Variants in GAREM1 observed in about 807,000 individuals in gnomAD.
The protein encoded by GAREM1 is GRB2-associated and regulator of MAPK protein 1.
A neutral mutation model predicts 71.3 loss-of-function variants in GAREM1; 26 were observed. The observed-to-expected ratio is 0.36, with a 90% CI of 0.27 to 0.51. GAREM1 has a LOEUF of 0.51. GAREM1 is among the 20% of genes least tolerant of loss of function. GAREM1 has a pLI of 0.95. For missense variants in GAREM1, 1,026 were observed against 1,103.1 expected (o/e 0.93, Z 0.99); for synonymous variants, 440 against 433.2 (o/e 1.02, Z -0.20).
rs1019963116 is a variant in GAREM1 at position 32,268,199 on chromosome 18, A to G, written c.2303T>C (p.Phe768Ser). 6.2e-7 allele frequency: 1 copy of G among 1,614,050 alleles called. No homozygotes were observed. The highest frequency in any genetic ancestry group is 2.2e-5 in the East Asian group (1 of 44,878). Residue 768 changes from phenylalanine (F) to serine (S), a missense_variant, in exon 6 of 6, where the codon TTT (phenylalanine) becomes TCT (serine). Coordinates refer to ENST00000269209, the MANE Select transcript of GAREM1 (RefSeq NM_001242409.2). ...GATGTCCTGCATGCCCTTTTTAACAAAATACTGGTCCTCCGAGAGATCTGG... is the reference window on the plus strand; with the variant it reads ...GATGTCCTGCATGCCCTTTTTAACAGAATACTGGTCCTCCGAGAGATCTGG... ...GSPDLSEDQY[F>S]VKKGMQDIFS...
intron 4 of GAREM1, among the ~76,000 whole-genome samples, chr18:32,282,374 C>T (rs1230686081): frequency 1.3e-5 from 2 of 152,032 alleles, no homozygotes; most frequent in African/African-American, 2.4e-5. Flanking sequence ...TGCAGTGAGC[C>T]GAGATCGCAC....
chr18:32,353,703 A>T (rs1301410151), intron 2 of GAREM1, among the ~76,000 whole-genome samples: 1 of 152,230 alleles, frequency 6.6e-6, no homozygotes, highest in Non-Finnish European at 1.5e-5. Context: ...TTACAATCAT[A>T]CCACCACTGG....
chr18:32,268,076 G>C lies in GAREM1; in HGVS notation c.2426C>G (p.Ser809Ter). The C allele has an allele frequency of 6.2e-7, 1 of 1,614,114 alleles. No homozygotes were observed. Among genetic ancestry groups the C allele is most frequent in the Non-Finnish European group, 8.5e-7 (1 of 1,179,976 alleles). Reference sequence around the variant, plus strand: ...GGACACTTCCTCTATAGAGAGTCCTGATAGGTCAGCAGGTGGCTGCCATGG... The same window carrying C: ...GGACACTTCCTCTATAGAGAGTCCTCATAGGTCAGCAGGTGGCTGCCATGG... Reference protein sequence around the residue: ...GSPWQPPADLSGLSIEEVSKS... With the variant: ...GSPWQPPADL The change falls in exon 6 of 6, where the codon TCA becomes TGA. Residue 809 changes from serine to a stop codon, truncating the protein, a stop_gained. Coordinates refer to ENST00000269209, the MANE Select transcript of GAREM1 (RefSeq NM_001242409.2). LOFTEE classifies it high-confidence loss of function.
chr18:32,370,764 T>C (rs1366452701), intron 2 of GAREM1, among the ~76,000 whole-genome samples: 1 of 152,212 alleles, frequency 6.6e-6, no homozygotes, highest in Non-Finnish European at 1.5e-5. Flanking sequence ...AATTTTTATA[T>C]ATATACAGCC....
intron 1 of GAREM1, among the ~76,000 whole-genome samples, chr18:32,460,959 G>A (rs926138205): frequency 1.1e-4 from 17 of 152,110 alleles, no homozygotes; most frequent in African/African-American, 3.9e-4. Context: ...AAAATGAGTT[G>A]TACTTTCCAG....
intron 1 of GAREM1, among the ~76,000 whole-genome samples, chr18:32,445,613 C>T (rs914295840): frequency 1.3e-5 from 2 of 152,150 alleles, no homozygotes; most frequent in Non-Finnish European, 2.9e-5. Flanking sequence ...AGTCTTCTGA[C>T]GAAAGATAAT....
chr18:32,392,781 T>G, intron 2 of GAREM1, 114 bp downstream of exon 2: 1 of 1,141,236 alleles, frequency 8.8e-7, no homozygotes, highest in African/African-American at 1.5e-5. Context: ...CACAAATGTT[T>G]GATTCTCTAA....
chr18:32,286,771 C>T (rs2047021812), intron 4 of GAREM1, among the ~76,000 whole-genome samples: 1 of 152,142 alleles, frequency 6.6e-6, no homozygotes, highest in African/African-American at 2.4e-5. Flanking sequence ...CCCTATTATC[C>T]ATTCTCCGGG....
Position 32,288,203 on chromosome 18 carries a change from C to A in GAREM1, c.394G>T (p.Val132Phe), listed in dbSNP as rs755842401. ...VMEDITFNVK[V>F]ASGECNEDTE... is the part of the protein sequence containing the mutation. ...TCTTCATTGCATTCACCTGAAGCAA[C>A]CTACAATATAATAAATCACATTTTA... Residue 132 changes from valine to phenylalanine, a missense_variant and splice_region_variant, in exon 4 of 6, where the codon GTT becomes TTT. Transcript: ENST00000269209. 1 of 1,582,780 alleles carries A rather than the reference C, an allele frequency of 6.3e-7. No homozygotes were observed.
In GAREM1 at chr18:32,267,712, T is replaced by C. The variant is rs1448092477; in HGVS notation, c.*159A>G. The C allele has an allele frequency of 3.3e-6, 2 of 608,928 alleles. No homozygotes were observed. The highest frequency in any genetic ancestry group is 5.7e-6 in the Non-Finnish European group (2 of 348,330). The allele number at this position is 608,928 out of a possible 1,614,324, so 37.7% of individuals were successfully genotyped here. On this transcript the variant is annotated 3_prime_UTR_variant, in exon 6 of 6. Coordinates refer to ENST00000269209, the MANE Select transcript of GAREM1 (RefSeq NM_001242409.2). ...ATTTTTATTGATGTACAAAATAGCC[T>C]GTTCACCATTCAAAAACGTAATCTG...
At chr18:32,346,593 C>T (rs1259833771) in intron 2 of GAREM1, among the ~76,000 whole-genome samples, 2 of 152,152 alleles carry the variant, frequency 1.3e-5, no homozygotes, top group Non-Finnish European at 2.9e-5. Flanking sequence ...TTTGGGCTCT[C>T]CTTCAGGGTA....
In GAREM1 at chr18:32,470,187, C is replaced by A; in HGVS notation, c.121+121G>T. 8.1e-7 allele frequency: 1 copy of A among 1,232,494 alleles called. No homozygotes were observed. Among genetic ancestry groups the A allele is most frequent in the Non-Finnish European group, 1.0e-6 (1 of 970,710 alleles). The allele number at this position is 1,232,494 out of a possible 1,614,324, so 76.3% of individuals were successfully genotyped here. Reference sequence around the variant, plus strand: ...GCTGCGGCAGCCGCTCGGGCCAACTCCGGCGCTCAGGGGCGGGCAGCCCAC... The same window carrying A: ...GCTGCGGCAGCCGCTCGGGCCAACTACGGCGCTCAGGGGCGGGCAGCCCAC... On this transcript the variant is annotated intron_variant, in intron 1 of 5. Transcript: ENST00000269209. This position sits in a 1 kb window ranked among gnomAD's most constrained non-coding sequence, Gnocchi z 4.4.
intron 1 of GAREM1, among the ~76,000 whole-genome samples, chr18:32,450,583 C>T (rs568469407): frequency 1.3e-5 from 2 of 152,300 alleles, no homozygotes; most frequent in Non-Finnish European, 2.9e-5. Flanking sequence ...TATTATTTCT[C>T]TAGCCCTGAA....
chr18:32,378,769 C>T (rs758836395), intron 2 of GAREM1, among the ~76,000 whole-genome samples: 24 of 152,232 alleles, frequency 1.6e-4, no homozygotes, highest in Non-Finnish European at 3.1e-4. Context: ...CTTCCTGACT[C>T]ATACAGCCTG....
intron 2 of GAREM1, among the ~76,000 whole-genome samples, chr18:32,345,977 A>T (rs183322441): frequency 6.6e-6 from 1 of 152,360 alleles, no homozygotes; most frequent in African/African-American, 2.4e-5. Context: ...AAGAATAAAA[A>T]GACGAGCTAA....
rs141583430 is a variant in GAREM1, at chr18:32,334,770, G to A, written c.263-24447C>T. On this transcript the variant is annotated intron_variant, in intron 2 of 5. Transcript: ENST00000269209. ...AGCTAAACACAGAAATACAACCTCC[G>A]ATAGATCACTTCTCTGCCCTTACCC... 3.7e-3 allele frequency among the ~76,000 whole-genome samples: 567 copies of A among 152,216 alleles called. 1 individual carries two copies. The highest frequency in any genetic ancestry group is 8.6e-3 in the African/African-American group (358 of 41,534).
At chr18:32,364,902 ACAAAT>A (rs1214171571) in intron 2 of GAREM1, among the ~76,000 whole-genome samples, 8 of 152,076 alleles carry the variant, frequency 5.3e-5, no homozygotes, top group African/African-American at 1.9e-4. Context: ...ACACACACAC[ACAAAT>A]CAAACACTTT....
chr18:32,452,803 CTG>C (rs1387746092), intron 1 of GAREM1, among the ~76,000 whole-genome samples: 1 of 151,804 alleles, frequency 6.6e-6, no homozygotes, highest in African/African-American at 2.4e-5. Flanking sequence ...TTAGGGGAAA[CTG>C]TTACTTTGAG....
chr18:32,456,423 A>G (rs1053926744), intron 1 of GAREM1, among the ~76,000 whole-genome samples: 2 of 152,138 alleles, frequency 1.3e-5, no homozygotes, highest in Admixed American at 6.6e-5. Flanking sequence ...AATATTTTTT[A>G]AAACATAATA....
Sources: gnomAD v4.1 joint callset for allele counts (sites outside exome capture counted in the v4.1 genomes callset) on GRCh38, gnomAD v4.1.1 for gene constraint, Gnocchi (gnomAD v3.1) non-coding constraint, MANE v1.5 for transcripts, NCBI Gene and HGNC (gene_info 2026-07-23, HGNC 2026-07-21) for gene names.